The following PIEZO2 variants were observed in gnomAD, a reference collection of about 807,000 sequenced individuals.
PIEZO2 encodes the protein piezo type mechanosensitive ion channel component 2, also known as piezo-type mechanosensitive ion channel component 2.
Under a neutral mutation model 337.3 loss-of-function variants are expected in PIEZO2, and 172 were observed. The ratio of observed to expected loss-of-function variants is 0.51; its 90% confidence interval spans 0.45 to 0.58. The LOEUF is 0.58. Among genes scored for constraint, PIEZO2 ranks in the 20% least tolerant of loss-of-function variants. PIEZO2 has a pLI of 0.00. For synonymous variants in PIEZO2, 1,251 were observed against 1,228.5 expected (o/e 1.02, Z -0.38); for missense variants, 3,028 against 3,391.3 (o/e 0.89, Z 2.66).
rs148671579 is a variant in PIEZO2 at position 10,833,336 on chromosome 18, G to A, written c.917+22017C>T. On this transcript the variant is annotated intron_variant, in intron 7 of 55. Transcript: ENST00000674853. The surrounding 1 kb of genome is among the most constrained non-coding windows in gnomAD (Gnocchi z 4.7). ...TTTTTCCTGTGTTCTCTTTTCTTCT[G>A]GTACTTCGGAGCCCACTGTGACACC... Among the ~76,000 whole-genome samples, 24 of 152,082 alleles carry A rather than the reference G, an allele frequency of 1.6e-4. No homozygotes were observed. The highest frequency in any genetic ancestry group is 3.1e-4 in the Non-Finnish European group (21 of 67,974).
At chr18:11,042,741 T>C (rs1257463707) in intron 2 of PIEZO2, among the ~76,000 whole-genome samples, 1 of 152,212 alleles carries the variant, frequency 6.6e-6, no homozygotes, top group Non-Finnish European at 1.5e-5. Context: ...TGCTCAGATG[T>C]CATACACCTT....
rs1395713279 is a variant in PIEZO2 at position 11,112,029 on chromosome 18, C to T, written c.64+36496G>A. Among the ~76,000 whole-genome samples the T allele has an allele frequency of 2.0e-5, 3 of 152,090 alleles. No homozygotes were observed. The highest frequency in any genetic ancestry group is 7.2e-5 in the African/African-American group (3 of 41,424). On this transcript the variant is annotated intron_variant, in intron 1 of 55. Coordinates refer to ENST00000674853, the MANE Select transcript of PIEZO2 (RefSeq NM_001378183.1). This position sits in a 1 kb window ranked among gnomAD's most constrained non-coding sequence, Gnocchi z 4.3. ...GAGCCGTGAATGAAGTTTCATAGTC[C>T]TTTATATTAATAAAGAACTTCACAG...
intron 49 of PIEZO2, among the ~76,000 whole-genome samples, chr18:10,688,258 T>A (rs2034643085): frequency 6.6e-6 from 1 of 152,212 alleles, no homozygotes; most frequent in South Asian, 2.1e-4. Flanking sequence ...CATGCGGTGT[T>A]TGGTCTTCTG....
In PIEZO2 at chr18:11,031,193, A is replaced by G. The variant is rs538762456; in HGVS notation, c.160+34934T>C. On this transcript the variant is annotated intron_variant, in intron 2 of 55. Coordinates refer to ENST00000674853, the MANE Select transcript of PIEZO2 (RefSeq NM_001378183.1). This position sits in a 1 kb window ranked among gnomAD's most constrained non-coding sequence, Gnocchi z 4.7. ...TTTTTTTTTTTTTAGTGGAGATGGG[A>G]TTTCACCGTGTTAGCCAGGATGGTC... is the stretch of plus-strand genomic sequence containing the variant. Among the ~76,000 whole-genome samples the G allele has an allele frequency of 2.2e-4, 32 of 145,196 alleles. No homozygotes were observed. The highest frequency in any genetic ancestry group is 6.9e-4 in the African/African-American group (27 of 39,034).
chr18:10,712,830 A>T (rs2035872260), intron 39 of PIEZO2, among the ~76,000 whole-genome samples: 2 of 152,372 alleles, frequency 1.3e-5, no homozygotes, highest in Middle Eastern at 3.4e-3. Context: ...TTAAAACTTT[A>T]AACCAAATCT....
Position 10,726,470 on chromosome 18 carries a change from C to G in PIEZO2, c.5029+4937G>C. The G allele has an allele frequency of 1.3e-6, 2 of 1,526,594 alleles. No individual in the cohort carries two copies. The highest frequency in any genetic ancestry group is 1.7e-6 in the Non-Finnish European group (2 of 1,143,060). 94.6% of individuals were successfully genotyped at this position (1,526,594 alleles called of 1,614,324 possible). A position where few individuals can be genotyped will look rare whatever the true frequency, so the allele number is the denominator to read the frequency against. ...GGCCGGCGAACCCCACGAGGAGGGCCTGGCCACCCTGCACAGCGTGCTGCT... is the reference window on the plus strand; with the variant it reads ...GGCCGGCGAACCCCACGAGGAGGGCGTGGCCACCCTGCACAGCGTGCTGCT... On this transcript the variant is annotated intron_variant, in intron 36 of 55. Coordinates refer to ENST00000674853, the MANE Select transcript of PIEZO2 (RefSeq NM_001378183.1). This position sits in a 1 kb window ranked among gnomAD's most constrained non-coding sequence, Gnocchi z 5.9.
chr18:10,887,784 G>A (rs576834557), intron 4 of PIEZO2, among the ~76,000 whole-genome samples: 6 of 152,158 alleles, frequency 3.9e-5, no homozygotes, highest in East Asian at 1.9e-4. Context: ...AATGAGTACC[G>A]TCTTTCATTA....
intron 2 of PIEZO2, among the ~76,000 whole-genome samples, chr18:11,065,431 T>G (rs1228239309): frequency 6.6e-6 from 1 of 152,240 alleles, no homozygotes; most frequent in Admixed American, 6.5e-5. Flanking sequence ...TGGTTTAATT[T>G]TAATACTTGT....
chr18:10,883,804 T>G (rs2042493349), intron 4 of PIEZO2, among the ~76,000 whole-genome samples: 1 of 134,104 alleles, frequency 7.5e-6, no homozygotes, highest in Non-Finnish European at 1.6e-5. Context: ...CCTGTTTCTA[T>G]GAGTCCTACT....
chr18:10,698,951 C>G lies in PIEZO2; in HGVS notation c.6668G>C (p.Ser2223Thr), dbSNP rs2035216162. 6.5e-7 allele frequency: 1 copy of G among 1,536,444 alleles called. No homozygotes were observed. Among genetic ancestry groups the G allele is most frequent in the African/African-American group, 1.4e-5 (1 of 73,048 alleles). Residue 2223 changes from serine to threonine, a missense_variant, in exon 44 of 56, where the codon AGC becomes ACC. Around this residue, in one of 5 missense-constraint regions of PIEZO2, gnomAD observed 1,925 missense variants for 2,051.9 expected, o/e 0.94. Transcript: ENST00000674853. ...GSSSEPSQRS[S>T]FSSNRSQRGS... ...TCTTTGGGATCTGTTTGAAGAAAAG[C>G]TGGATCTCTGGGATGGCTCGGAGCT...
intron 4 of PIEZO2, among the ~76,000 whole-genome samples, chr18:10,876,228 G>A (rs2042265291): frequency 1.3e-5 from 2 of 152,142 alleles, no homozygotes; most frequent in South Asian, 4.1e-4. Flanking sequence ...AGAGAAAAAA[G>A]AAACAGTCAT....
At chr18:10,897,504 T>C (rs1309179594) in intron 4 of PIEZO2, among the ~76,000 whole-genome samples, 1 of 152,134 alleles carries the variant, frequency 6.6e-6, no homozygotes, top group African/African-American at 2.4e-5. Context: ...CTGATGTTTT[T>C]ATAAGGGGTT....
At chr18:11,060,864 T>G (rs2037926901) in intron 2 of PIEZO2, among the ~76,000 whole-genome samples, 1 of 85,956 alleles carries the variant, frequency 1.2e-5, no homozygotes, top group Non-Finnish European at 2.5e-5. Flanking sequence ...CTGAAACTAT[T>G]CCAATCAATA....
At chr18:10,961,128 C>A (rs1045269227) in intron 3 of PIEZO2, among the ~76,000 whole-genome samples, 2 of 151,716 alleles carry the variant, frequency 1.3e-5, no homozygotes, top group Non-Finnish European at 2.9e-5. Context: ...TTGCAGTGAG[C>A]CAAGATCGTG....
intron 49 of PIEZO2, among the ~76,000 whole-genome samples, chr18:10,685,875 G>A (rs1339287414): frequency 1.3e-5 from 2 of 152,180 alleles, no homozygotes; most frequent in South Asian, 2.1e-4. Flanking sequence ...CTGCGGGCAC[G>A]AGATTGCGCC....
intron 3 of PIEZO2, among the ~76,000 whole-genome samples, chr18:10,967,889 T>C (rs2034077479): frequency 6.6e-6 from 1 of 152,154 alleles, no homozygotes; most frequent in Non-Finnish European, 1.5e-5. Context: ...ACTCTGTGGG[T>C]TGTCTGTTTA....
At chr18:11,006,348 T>A (rs1043083288) in intron 2 of PIEZO2, among the ~76,000 whole-genome samples, 4 of 152,242 alleles carry the variant, frequency 2.6e-5, no homozygotes, top group Non-Finnish European at 4.4e-5. Flanking sequence ...ATTGAATAAC[T>A]GAACGAATGA....
At chr18:10,930,551 C>T (rs1299299910) in intron 3 of PIEZO2, among the ~76,000 whole-genome samples, 2 of 152,196 alleles carry the variant, frequency 1.3e-5, no homozygotes, top group African/African-American at 4.8e-5. Flanking sequence ...CCAGTTTGGG[C>T]ACATGTTCTC....
chr18:10,792,447 C>T (rs559874131), intron 13 of PIEZO2, among the ~76,000 whole-genome samples: 138 of 152,330 alleles, frequency 9.1e-4, no homozygotes, highest in African/African-American at 3.2e-3. Flanking sequence ...CTCCCTATCT[C>T]AGCCCTAGCC....
Sources: allele counts gnomAD v4.1 joint callset (sites outside exome capture counted in the v4.1 genomes callset), GRCh38; gene constraint gnomAD v4.1.1; regional missense constraint gnomAD v4.1.1; non-coding constraint Gnocchi (gnomAD v3.1); transcripts MANE v1.5; gene names NCBI Gene and HGNC (gene_info 2026-07-23, HGNC 2026-07-21).